Variants in E2F1 observed in about 807,000 individuals in gnomAD.
The protein encoded by E2F1 is transcription factor E2F1.
A neutral mutation model predicts 36.9 loss-of-function variants in E2F1; 7 were observed. The observed-to-expected ratio is 0.19, with a 90% CI of 0.11 to 0.36. The LOEUF (loss-of-function observed/expected upper bound fraction) is 0.36, where lower values mean the gene tolerates loss of function less well. Among genes scored for constraint, E2F1 ranks in the 10% least tolerant of loss-of-function variants. The pLI, the probability that E2F1 is intolerant of heterozygous loss-of-function variation, is 1.00. For missense variants in E2F1, 406 were observed against 573.6 expected, an observed-to-expected ratio of 0.71 and a Z score of 2.99; for synonymous variants, 261 against 263.1, an observed-to-expected ratio of 0.99 and a Z score of 0.08.
At chr20:33,685,091 C>T (rs1034014344) in intron 1 of E2F1, among the ~76,000 whole-genome samples, 5 of 152,196 alleles carry the variant, frequency 3.3e-5, no homozygotes, top group African/African-American at 1.2e-4. Flanking sequence ...GTCTTGAGCT[C>T]AGCGATCAGG....
chr20:33,683,599 C>CCT, intron 1 of E2F1, among the ~76,000 whole-genome samples: 1 of 151,234 alleles, frequency 6.6e-6, no homozygotes, highest in Admixed American at 6.6e-5. Context: ...ATGGCAAGAC[C>CCT]CTCTCTCTAC....
rs2017985125 is a variant in E2F1, at chr20:33,678,336, A to G, written c.590T>C (p.Val197Ala). 14 of 1,612,198 alleles carry G rather than the reference A, an allele frequency of 8.7e-6. No homozygotes were observed. Among genetic ancestry groups the G allele is most frequent in the Non-Finnish European group, 1.1e-5 (13 of 1,179,958 alleles). ...HIQWLGSHTT[V>A]GVGGRLEGLT... Reference sequence around the variant, plus strand: ...CCCCTCAAGCCGTCCGCCGACGCCCACTGTGGTGTGGCTGCCCCTGTGGGG... The same window carrying G: ...CCCCTCAAGCCGTCCGCCGACGCCCGCTGTGGTGTGGCTGCCCCTGTGGGG... The change falls in exon 4 of 7, where the codon GTG becomes GCG. Residue 197 changes from valine (V) to alanine (A), a missense_variant. Transcript: ENST00000343380.
chr20:33,685,957 G>T (rs1357732724), intron 1 of E2F1, 47 bp downstream of exon 1: 4 of 1,113,412 alleles, frequency 3.6e-6, no homozygotes, highest in African/African-American at 1.7e-5. Flanking sequence ...GGGTCTGCGC[G>T]GGGGGCACAG....
At chr20:33,685,908 C>T (rs1218264282) in intron 1 of E2F1, 96 bp downstream of exon 1, 1 of 1,025,700 alleles carries the variant, frequency 9.7e-7, no homozygotes, top group Non-Finnish European at 1.2e-6. Flanking sequence ...ACCCCTCCCC[C>T]GCCCCCTGCC....
intron 1 of E2F1, among the ~76,000 whole-genome samples, chr20:33,685,569 G>A (rs575839124): frequency 8.0e-4 from 122 of 152,250 alleles, no homozygotes; most frequent in African/African-American, 2.6e-3. Flanking sequence ...ACCACCTGCA[G>A]CCGTGTGACC....
At chr20:33,677,627 A>T in intron 4 of E2F1, 87 bp from the exon 5 acceptor site, 14 of 1,005,346 alleles carry the variant, frequency 1.4e-5, no homozygotes, top group Non-Finnish European at 1.8e-5. Context: ...ACACCTGCCT[A>T]GTCACTCCTG....
chr20:33,678,522 T>C (rs1047996645), intron 3 of E2F1, among the ~76,000 whole-genome samples, 169 bp from the exon 4 acceptor site: 7 of 152,198 alleles, frequency 4.6e-5, no homozygotes, highest in African/African-American at 9.7e-5. Context: ...CAGAGTGTCA[T>C]GGGCTTGAAG....
chr20:33,680,190 A>G (rs1447147038), intron 2 of E2F1, 136 bp downstream of exon 2: 9 of 1,019,610 alleles, frequency 8.8e-6, no homozygotes, highest in East Asian at 5.2e-5. Context: ...GGCCACTCCA[A>G]CTGCCCATCA....
At chr20:33,678,057 G>A in intron 4 of E2F1, 144 bp downstream of exon 4, 4 of 904,574 alleles carry the variant, frequency 4.4e-6, no homozygotes, top group East Asian at 2.7e-5. Context: ...TTTATCCAGT[G>A]TCACAACAGT....
At position 33,686,231 on chromosome 20, in the gene E2F1, A is replaced by T. The variant is rs574523664; in HGVS notation, c.34T>A (p.Cys12Ser). The change falls in exon 1 of 7, where the codon TGC becomes AGC. Residue 12 changes from cysteine (C) to serine (S), a missense_variant. This residue lies in a region of E2F1 where 68 missense variants were observed against 74.3 expected (regional missense o/e 0.92). Coordinates refer to ENST00000343380, the MANE Select transcript of E2F1 (RefSeq NM_005225.3). ...ALAGAPAGGP[C>S]APALEALLGA... The stretch of plus-strand genomic sequence containing the variant: ...AGCAGGGCCTCCAGCGCCGGCGCGC[A>T]TGGGCCGCCCGCAGGGGCCCCGGCC... 2.3e-4 allele frequency: 233 copies of T among 1,018,014 alleles called. 3 individuals carry two copies. The East Asian group carries it at 0.016, about 69-fold the overall frequency. 63.1% of individuals were successfully genotyped at this position (1,018,014 alleles called of 1,614,324 possible).
rs746377163 is a variant in E2F1 at position 33,676,690 on chromosome 20, C to A, written c.*42G>T. 46 of 1,555,950 alleles carry A rather than the reference C, an allele frequency of 3.0e-5. No homozygotes were observed. Among genetic ancestry groups the A allele is most frequent in the Non-Finnish European group, 3.8e-5 (44 of 1,149,930 alleles). Reference sequence around the variant, plus strand: ...ACAGGGGGCTCCAGGGCTGCAGAGACAAGGTGAGCATCTCTGGAAACCCTG... The same window carrying A: ...ACAGGGGGCTCCAGGGCTGCAGAGAAAAGGTGAGCATCTCTGGAAACCCTG... On this transcript the variant is annotated 3_prime_UTR_variant, in exon 7 of 7. Transcript: ENST00000343380.
At chr20:33,684,919 C>G (rs1040288172) in intron 1 of E2F1, among the ~76,000 whole-genome samples, 3 of 152,150 alleles carry the variant, frequency 2.0e-5, no homozygotes, top group African/African-American at 4.8e-5. Context: ...CCAGACCCCG[C>G]CTGCACACCA....
rs1311712580 is a variant in E2F1, at chr20:33,683,035, A to AT, written c.262-2620dup. 5.9e-5 allele frequency among the ~76,000 whole-genome samples: 9 copies of AT among 152,318 alleles called. No individual in the cohort carries two copies. In the East Asian group the frequency reaches 1.7e-3, roughly 29 times the overall value. ...TGTGAATGATACAGGAAAAACTACA[A>AT]TTTTTAAAACTTTAAAAAACAAAAA... On this transcript the variant is annotated intron_variant, in intron 1 of 6. Coordinates refer to ENST00000343380, the MANE Select transcript of E2F1 (RefSeq NM_005225.3).
chr20:33,683,849 T>C (rs534781117), intron 1 of E2F1, among the ~76,000 whole-genome samples: 7 of 152,328 alleles, frequency 4.6e-5, no homozygotes, highest in African/African-American at 7.2e-5. Context: ...ATACTTGAGT[T>C]TGTGGAAGTG....
chr20:33,676,888 A>G lies in E2F1; in HGVS notation c.1158T>C (p.His386=), dbSNP rs923288606. The change falls in exon 7 of 7, where the codon CAT becomes CAC. Residue 386 remains histidine, a synonymous_variant. Transcript: ENST00000343380. ...PLVAADSLLE[H]VREDFSGLLP... is the part of the protein sequence containing the mutation. The stretch of plus-strand genomic sequence containing the variant: ...GGAGGCCGGAGAAGTCCTCCCGCAC[A>G]TGCTCCAGGAGCGAGTCGGCCGCCA... 4 of 1,575,140 alleles carry G rather than the reference A, an allele frequency of 2.5e-6. No homozygotes were observed. Among genetic ancestry groups the G allele is most frequent in the Non-Finnish European group, 3.4e-6 (4 of 1,159,428 alleles).
chr20:33,681,404 G>A (rs756608523), intron 1 of E2F1, among the ~76,000 whole-genome samples: 4 of 152,164 alleles, frequency 2.6e-5, no homozygotes, highest in South Asian at 2.1e-4. Flanking sequence ...TAATCTATAC[G>A]CATGGTAGCA....
chr20:33,684,745 G>T (rs1231408007), intron 1 of E2F1, among the ~76,000 whole-genome samples: 1 of 152,150 alleles, frequency 6.6e-6, no homozygotes, highest in East Asian at 1.9e-4. Context: ...GCAGCACTGG[G>T]CATGGGGCCA....
Position 33,679,143 on chromosome 20 carries a change from G to A in E2F1, c.572+612C>T, listed in dbSNP as rs546901574. Among the ~76,000 whole-genome samples the A allele has an allele frequency of 1.5e-4, 23 of 152,396 alleles. No homozygotes were observed. Among genetic ancestry groups the A allele is most frequent in the Non-Finnish European group, 3.1e-4 (21 of 68,044 alleles). ...TGAGAAGCCAGGATAGTGGTGACCT[G>A]GCGGTGTGAGGGGTTGGCAATGACT... On this transcript the variant is annotated intron_variant, in intron 3 of 6. Transcript: ENST00000343380. The surrounding 1 kb of genome is among the most constrained non-coding windows in gnomAD (Gnocchi z 4.6).
rs1403451295 is a variant in E2F1 at position 33,680,342 on chromosome 20, G to T, written c.336C>A (p.Gly112=). The change falls in exon 2 of 7, where the codon GGC becomes GGA. Residue 112 remains glycine (G), a synonymous_variant. Transcript: ENST00000343380. ...AESSGPARGR[G]RHPGKGVKSP... is the part of the protein sequence containing the mutation. ...CATAGGTACCTTTTCCTGGATGGCG[G>T]CCTCTGCCCCGAGCTGGCCCACTGC... 1 of 1,614,058 alleles carries T rather than the reference G, an allele frequency of 6.2e-7. No individual in the cohort carries two copies. Among genetic ancestry groups the T allele is most frequent in the African/African-American group, 1.3e-5 (1 of 74,950 alleles).
Sources: allele counts gnomAD v4.1 joint callset (sites outside exome capture counted in the v4.1 genomes callset), GRCh38; gene constraint gnomAD v4.1.1; regional missense constraint gnomAD v4.1.1; non-coding constraint Gnocchi (gnomAD v3.1); transcripts MANE v1.5; gene names NCBI Gene and HGNC (gene_info 2026-07-23, HGNC 2026-07-21).